NOL9: variants seen among roughly 807,000 people sequenced by gnomAD.
NOL9 encodes the protein polynucleotide 5'-hydroxyl-kinase NOL9.
Under a neutral mutation model 67.9 loss-of-function variants are expected in NOL9, and 28 were observed. That is an observed-to-expected ratio of 0.41 (90% CI 0.31 to 0.57). The LOEUF is 0.57. Ranked by LOEUF, NOL9 falls within the 20% of genes least tolerant of loss-of-function variation. NOL9 has a pLI of 0.25. For missense variants in NOL9, 777 were observed against 897.0 expected (o/e 0.87, Z 1.71); for synonymous variants, 356 against 352.2 (o/e 1.01, Z -0.12).
chr1:6,548,579 G>A, intron 3 of NOL9: 1 of 378,412 alleles, frequency 2.6e-6, no homozygotes, highest in South Asian at 2.3e-5. Context: ...GAACATCATT[G>A]TAAAAGTGCT....
chr1:6,548,006 A>G, intron 3 of NOL9: 1 of 300,812 alleles, frequency 3.3e-6, no homozygotes, highest in Non-Finnish European at 6.7e-6. Context: ...GGCTCTAACA[A>G]AACTAGGCTG....
At chr1:6,535,540 G>GGCAGA (rs1367476226) in intron 6 of NOL9, among the ~76,000 whole-genome samples, 10 of 152,170 alleles carry the variant, frequency 6.6e-5, no homozygotes, top group African/African-American at 2.4e-4. Flanking sequence ...TGGCCGGCAG[G>GGCAGA]GCAGAGCGGC....
At chr1:6,541,773 C>T in intron 6 of NOL9, 57 bp downstream of exon 6, 1 of 1,021,876 alleles carries the variant, frequency 9.8e-7, no homozygotes, top group East Asian at 2.5e-5. Context: ...TTTTTGTTAG[C>T]ATCATCACAT....
Position 6,523,230 on chromosome 1 carries a change from C to CA in NOL9, c.*2623dup, listed in dbSNP as rs1638809785. The CA allele has an allele frequency of 6.6e-6, 1 of 151,604 alleles. No homozygotes were observed. 9.4% of individuals were successfully genotyped at this position (151,604 alleles called of 1,614,324 possible). A position where few individuals can be genotyped will look rare whatever the true frequency, so the allele number is the denominator to read the frequency against. On this transcript the variant is annotated 3_prime_UTR_variant, in exon 12 of 12. Coordinates refer to ENST00000377705, the MANE Select transcript of NOL9 (RefSeq NM_024654.5). ...CCTTACTACCTAATCTGACCCATAA[C>CA]AGACTGTGGAAATGATAAAAAGTCC...
At chr1:6,540,161 C>T (rs1366162139) in intron 6 of NOL9, among the ~76,000 whole-genome samples, 1 of 116,874 alleles carries the variant, frequency 8.6e-6, no homozygotes, top group Non-Finnish European at 1.7e-5. Context: ...CTTGCTCTGT[C>T]GCCCAGGCTG....
chr1:6,533,193 A>C lies in NOL9; in HGVS notation c.1237+87T>G, dbSNP rs537775043. Reference sequence around the variant, plus strand: ...CTGCCTCAATTAAAAACAAAAAACAAAACACTGGGCTTTAACGTGAATGTC... The same window carrying C: ...CTGCCTCAATTAAAAACAAAAAACACAACACTGGGCTTTAACGTGAATGTC... On this transcript the variant is annotated intron_variant, in intron 7 of 11. Transcript: ENST00000377705. 1.1e-5 allele frequency: 16 copies of C among 1,393,090 alleles called. 1 individual carries two copies. In the East Asian group the frequency reaches 3.9e-4, roughly 34 times the overall value. 86.3% of individuals were successfully genotyped at this position (1,393,090 alleles called of 1,614,324 possible). A position where few individuals can be genotyped will look rare whatever the true frequency, so the allele number is the denominator to read the frequency against.
chr1:6,521,357 C>A lies in NOL9; in HGVS notation c.*4497G>T, dbSNP rs933046292. On this transcript the variant is annotated 3_prime_UTR_variant, in exon 12 of 12. Coordinates refer to ENST00000377705, the MANE Select transcript of NOL9 (RefSeq NM_024654.5). ...AATTACACAACTAAATTCATGTTTT[C>A]AAAAATATTTAATGATACAAAAGTT... The A allele has an allele frequency of 1.3e-5, 2 of 152,034 alleles. No homozygotes were observed. Among genetic ancestry groups the A allele is most frequent in the African/African-American group, 4.8e-5 (2 of 41,396 alleles). 9.4% of individuals were successfully genotyped at this position (152,034 alleles called of 1,614,324 possible).
rs747302110 is a variant in NOL9, at chr1:6,530,052, C to T, written c.1648-881G>A. Among the ~76,000 whole-genome samples the T allele has an allele frequency of 3.3e-5, 5 of 152,030 alleles. No individual in the cohort carries two copies. The South Asian group carries it at 8.3e-4, about 25-fold the overall frequency. ...TAGAATTGAGAATCACTTGAACCCA[C>T]AAAGTGGAGATTACAGTGAGCCAAA... On this transcript the variant is annotated intron_variant, in intron 9 of 11. Coordinates refer to ENST00000377705, the MANE Select transcript of NOL9 (RefSeq NM_024654.5).
Position 6,552,459 on chromosome 1 carries a change from T to TTTTA in NOL9, c.396+1644_396+1647dup, listed in dbSNP as rs535728501. 8.6e-3 allele frequency among the ~76,000 whole-genome samples: 1,315 copies of TTTTA among 152,260 alleles called. 15 individuals carry two copies. Among genetic ancestry groups the TTTTA allele is most frequent in the African/African-American group, 0.029 (1,196 of 41,546 alleles). On this transcript the variant is annotated intron_variant, in intron 1 of 11. Transcript: ENST00000377705. Reference sequence around the variant, plus strand: ...TTTAAATTTTTTAATTTTATTTAATTTTTATTTATTTATTTATTTTTGGGA... The same window carrying TTTTA: ...TTTAAATTTTTTAATTTTATTTAATTTTTATTTATTTATTTATTTATTTTTGGGA...
In NOL9 at chr1:6,524,192, G is replaced by A. The variant is rs1469172585; in HGVS notation, c.*1662C>T. 1.3e-5 allele frequency: 2 copies of A among 152,126 alleles called. No homozygotes were observed. The highest frequency in any genetic ancestry group is 2.9e-5 in the Non-Finnish European group (2 of 68,032). The allele number at this position is 152,126 out of a possible 1,614,324, so 9.4% of individuals were successfully genotyped here. On this transcript the variant is annotated 3_prime_UTR_variant, in exon 12 of 12. Transcript: ENST00000377705. ...GCTTATTTTAAGTCCTTTGCTGTTG[G>A]GTCTAAGAGGTGCTGAGGGGCCACT...
In NOL9 at chr1:6,549,727, A is replaced by C. The variant is rs767317578; in HGVS notation, c.617-29T>G. 4.4e-6 allele frequency: 7 copies of C among 1,607,528 alleles called. 1 individual carries two copies. In the South Asian group the frequency reaches 7.7e-5, roughly 18 times the overall value. ...TAAAGAGAAAAATAAACCACCTTAGAAGCAGTAACTTCATTACATTCCACG... is the reference window on the plus strand; with the variant it reads ...TAAAGAGAAAAATAAACCACCTTAGCAGCAGTAACTTCATTACATTCCACG... On this transcript the variant is annotated intron_variant, in intron 2 of 11. Coordinates refer to ENST00000377705, the MANE Select transcript of NOL9 (RefSeq NM_024654.5).
At chr1:6,550,305 A>T in intron 2 of NOL9, 91 bp downstream of exon 2, 1 of 1,098,018 alleles carries the variant, frequency 9.1e-7, no homozygotes, top group Non-Finnish European at 1.4e-6. Flanking sequence ...TGCTGGGATT[A>T]TAGGCGTGAG....
At chr1:6,541,163 G>A (rs377390951) in intron 6 of NOL9, among the ~76,000 whole-genome samples, 7 of 151,990 alleles carry the variant, frequency 4.6e-5, no homozygotes, top group East Asian at 3.9e-4. Context: ...CTATAGGCAC[G>A]TGCCACCAAA....
intron 6 of NOL9, among the ~76,000 whole-genome samples, chr1:6,537,729 T>C (rs2148655469): frequency 6.6e-6 from 1 of 152,116 alleles, no homozygotes; most frequent in South Asian, 2.1e-4. Flanking sequence ...CAAATGGTGG[T>C]GGAAAATCTC....
In NOL9 at chr1:6,550,626, G is replaced by C; in HGVS notation, c.397-11C>G. The C allele has an allele frequency of 6.3e-7, 1 of 1,583,984 alleles. No homozygotes were observed. The highest frequency in any genetic ancestry group is 1.4e-5 in the African/African-American group (1 of 73,906). The stretch of plus-strand genomic sequence containing the variant: ...ACTAAAAGTAAAACCCTAGCAGGGA[G>C]AGAAAACAGAAAAAACATTATAGAT... On this transcript the variant is annotated splice_polypyrimidine_tract_variant and intron_variant, in intron 1 of 11. Transcript: ENST00000377705.
At chr1:6,542,009 T>G in intron 5 of NOL9, 82 bp from the exon 6 acceptor site, 1 of 812,624 alleles carries the variant, frequency 1.2e-6, no homozygotes, top group Non-Finnish European at 1.9e-6. Flanking sequence ...CAGTAAAGAT[T>G]TCATGTGACA....
chr1:6,533,458 G>A lies in NOL9; in HGVS notation c.1076-17C>T, dbSNP rs368677340. The A allele has an allele frequency of 3.2e-6, 5 of 1,560,966 alleles. No homozygotes were observed. The African/African-American group carries it at 4.1e-5, about 13-fold the overall frequency. On this transcript the variant is annotated splice_polypyrimidine_tract_variant and intron_variant, in intron 6 of 11. Transcript: ENST00000377705. ...AAGGTGGTCCTAAAAAGATAAAGAT[G>A]AGTAATCAGATGAGTAAGGTGAGTG...
rs1303296204 is a variant in NOL9, at chr1:6,554,108, T to C, written c.395A>G (p.Gln132Arg). 1 of 1,525,470 alleles carries C rather than the reference T, an allele frequency of 6.6e-7. No individual in the cohort carries two copies. Among genetic ancestry groups the C allele is most frequent in the Non-Finnish European group, 8.8e-7 (1 of 1,136,072 alleles). 94.5% of individuals were successfully genotyped at this position (1,525,470 alleles called of 1,614,324 possible). A position where few individuals can be genotyped will look rare whatever the true frequency, so the allele number is the denominator to read the frequency against. Residue 132 changes from glutamine (Q) to arginine (R), a missense_variant and splice_region_variant, in exon 1 of 12, where the codon CAG (glutamine) becomes CGG (arginine). By Grantham distance (43) the Gln-to-Arg change is conservative. Around this residue, in one of 2 missense-constraint regions of NOL9, gnomAD observed 364 missense variants for 344.4 expected, o/e 1.06. Transcript: ENST00000377705. ...GRALLLLPVE[Q>R]GFTFSGICRV... Reference sequence around the variant, plus strand: ...CTACTACCGGCGCCCCCCACCTACCTGCTCGACCGGCAGCAGCAGCAACGC... The same window carrying C: ...CTACTACCGGCGCCCCCCACCTACCCGCTCGACCGGCAGCAGCAGCAACGC...
intron 5 of NOL9, among the ~76,000 whole-genome samples, chr1:6,542,213 C>G (rs4434863): frequency 0.72 from 107,040 of 149,618 alleles, 38,938 homozygotes; most frequent in Admixed American, 0.8. Context: ...CCAGGCTGGG[C>G]TGCAGTGCAC....
Sources: gnomAD v4.1 joint callset for allele counts (sites outside exome capture counted in the v4.1 genomes callset) on GRCh38, gnomAD v4.1.1 for gene constraint, gnomAD v4.1.1 regional missense constraint, MANE v1.5 for transcripts, NCBI Gene and HGNC (gene_info 2026-07-23, HGNC 2026-07-21) for gene names.